Variants in MAPKAPK2 observed in about 807,000 individuals in gnomAD.
The protein encoded by MAPKAPK2 is MAP kinase-activated protein kinase 2.
Under a neutral mutation model 48.8 loss-of-function variants are expected in MAPKAPK2, and 9 were observed. That is an observed-to-expected ratio of 0.18 (90% CI 0.11 to 0.32). The LOEUF (loss-of-function observed/expected upper bound fraction) is 0.32. Among genes scored for constraint, MAPKAPK2 ranks in the 10% least tolerant of loss-of-function variants. MAPKAPK2 has a pLI of 1.00. For synonymous variants in MAPKAPK2, 202 were observed against 190.6 expected, an observed-to-expected ratio of 1.06 and a Z score of -0.49; for missense variants, 331 against 498.3, an observed-to-expected ratio of 0.66 and a Z score of 3.20.
intron 1 of MAPKAPK2, among the ~76,000 whole-genome samples, chr1:206,717,191 C>T (rs1010634620): frequency 6.6e-6 from 1 of 152,188 alleles, no homozygotes; most frequent in African/African-American, 2.4e-5. Context: ...GGCTTTATTA[C>T]CTACTAGCCA....
chr1:206,708,576 G>A (rs1053572104), intron 1 of MAPKAPK2, among the ~76,000 whole-genome samples: 1 of 152,018 alleles, frequency 6.6e-6, no homozygotes, highest in Non-Finnish European at 1.5e-5. Context: ...GCATACATAG[G>A]CATTAATTTG....
intron 1 of MAPKAPK2, among the ~76,000 whole-genome samples, chr1:206,691,861 T>C (rs1202811026): frequency 1.3e-5 from 2 of 152,208 alleles, no homozygotes; most frequent in Non-Finnish European, 2.9e-5. Context: ...CAGGGCAGCC[T>C]GTGTCCAGTT....
At chr1:206,691,802 A>G (rs1408569741) in intron 1 of MAPKAPK2, among the ~76,000 whole-genome samples, 2 of 152,088 alleles carry the variant, frequency 1.3e-5, no homozygotes, top group African/African-American at 4.8e-5. Flanking sequence ...GACCATCAGC[A>G]GTATCTGGGT....
At chr1:206,687,655 AC>A (rs1301902364) in intron 1 of MAPKAPK2, among the ~76,000 whole-genome samples, 2 of 152,242 alleles carry the variant, frequency 1.3e-5, no homozygotes, top group Non-Finnish European at 2.9e-5. Flanking sequence ...GGTTCAAAGA[AC>A]GCTGTTCCAG....
Position 206,733,082 on chromosome 1 carries a change from GTATTTGTGGAAA to G in MAPKAPK2, c.*365_*376del. On this transcript the variant is annotated 3_prime_UTR_variant, in exon 10 of 10. Coordinates refer to ENST00000367103, the MANE Select transcript of MAPKAPK2 (RefSeq NM_032960.4). ...GCAAAGGCTTGTGGTTTGTTAGAGG[GTATTTGTGGAAA>G]CTGTCATAGGGATTGTCCCTGTGTT... is the stretch of plus-strand genomic sequence containing the variant. 5.0e-6 allele frequency: 1 copy of G among 199,030 alleles called. No homozygotes were observed. The highest frequency in any genetic ancestry group is 1.1e-4 in the South Asian group (1 of 9,350). 12.3% of individuals were successfully genotyped at this position (199,030 alleles called of 1,614,324 possible).
intron 1 of MAPKAPK2, among the ~76,000 whole-genome samples, chr1:206,711,494 A>G (rs6681711): frequency 0.22 from 33,772 of 150,646 alleles, 3,714 homozygotes; most frequent in Middle Eastern, 0.32. Context: ...CAAGTGACCC[A>G]CCCACCTCGG....
intron 1 of MAPKAPK2, among the ~76,000 whole-genome samples, chr1:206,715,121 G>A (rs573445906): frequency 6.6e-6 from 1 of 152,218 alleles, no homozygotes; most frequent in East Asian, 1.9e-4. Context: ...TCTTGAGAGA[G>A]AGCATGTGTG....
At chr1:206,697,553 G>A (rs114862169) in intron 1 of MAPKAPK2, among the ~76,000 whole-genome samples, 12 of 152,110 alleles carry the variant, frequency 7.9e-5, no homozygotes, top group Non-Finnish European at 1.3e-4. Context: ...GGAGGCCCTC[G>A]ACTCTTTTTA....
In MAPKAPK2 at chr1:206,731,499, T is replaced by C. The variant is rs1271295175; in HGVS notation, c.893-141T>C. The C allele has an allele frequency of 7.4e-6, 8 of 1,074,498 alleles. No homozygotes were observed. The highest frequency in any genetic ancestry group is 1.4e-5 in the South Asian group (1 of 71,234). The allele number at this position is 1,074,498 out of a possible 1,614,324, so 66.6% of individuals were successfully genotyped here. A position where few individuals can be genotyped will look rare whatever the true frequency, so the allele number is the denominator to read the frequency against. ...GGCCTCTCAAGTGGTACAGCCGTAATGGTCCTTGGGGCCAGTTGCTCCGGC... is the reference window on the plus strand; with the variant it reads ...GGCCTCTCAAGTGGTACAGCCGTAACGGTCCTTGGGGCCAGTTGCTCCGGC... On this transcript the variant is annotated intron_variant, in intron 7 of 9. Coordinates refer to ENST00000367103, the MANE Select transcript of MAPKAPK2 (RefSeq NM_032960.4). The surrounding 1 kb of genome is among the most constrained non-coding windows in gnomAD (Gnocchi z 5.9).
intron 5 of MAPKAPK2, 127 bp downstream of exon 5, chr1:206,730,225 T>C: frequency 8.6e-7 from 1 of 1,166,160 alleles, no homozygotes; most frequent in Non-Finnish European, 1.2e-6. Context: ...TGGTGCTGGT[T>C]CTGCTGGGAC....
intron 1 of MAPKAPK2, among the ~76,000 whole-genome samples, chr1:206,692,410 G>C (rs1361990561): frequency 6.6e-6 from 1 of 152,210 alleles, no homozygotes; most frequent in Non-Finnish European, 1.5e-5. Context: ...GAGGAAAAGG[G>C]GTTGCCTGGT....
At chr1:206,687,494 A>G (rs1672323815) in intron 1 of MAPKAPK2, among the ~76,000 whole-genome samples, 1 of 152,222 alleles carries the variant, frequency 6.6e-6, no homozygotes, top group Non-Finnish European at 1.5e-5. Flanking sequence ...TCAACTGTTA[A>G]ATTGTGGATT....
intron 1 of MAPKAPK2, among the ~76,000 whole-genome samples, chr1:206,690,433 G>A (rs1348468959): frequency 1.3e-5 from 2 of 152,122 alleles, no homozygotes; most frequent in African/African-American, 2.4e-5. Flanking sequence ...CTGACAGGAG[G>A]GGAGAGACAA....
intron 1 of MAPKAPK2, among the ~76,000 whole-genome samples, chr1:206,708,655 T>C (rs1673040020): frequency 6.6e-6 from 1 of 152,246 alleles, no homozygotes; most frequent in African/African-American, 2.4e-5. Context: ...TGCACAACTC[T>C]TAAGGTATCA....
chr1:206,713,205 G>T, intron 1 of MAPKAPK2, among the ~76,000 whole-genome samples: 1 of 152,196 alleles, frequency 6.6e-6, no homozygotes, highest in Non-Finnish European at 1.5e-5. Context: ...TGCTGAAGTA[G>T]GAGTTTAGCA....
chr1:206,690,348 G>C (rs1672420423), intron 1 of MAPKAPK2, among the ~76,000 whole-genome samples: 1 of 152,188 alleles, frequency 6.6e-6, no homozygotes, highest in South Asian at 2.1e-4. Context: ...TCAGCTCACT[G>C]TCCTTTTTTA....
chr1:206,693,321 GT>G (rs1252968733), intron 1 of MAPKAPK2, among the ~76,000 whole-genome samples: 74 of 152,100 alleles, frequency 4.9e-4, no homozygotes, highest in African/African-American at 1.7e-3. Flanking sequence ...CCGCTGACCT[GT>G]TTCTCTCACT....
intron 1 of MAPKAPK2, among the ~76,000 whole-genome samples, chr1:206,686,590 A>G (rs114325169): frequency 7.7e-4 from 117 of 152,270 alleles, no homozygotes; most frequent in African/African-American, 2.8e-3. Context: ...TGTCTCAATG[A>G]TTGGAGGAGG....
In MAPKAPK2 at chr1:206,731,633, C is replaced by T; in HGVS notation, c.893-7C>T. 2 of 1,611,908 alleles carry T rather than the reference C, an allele frequency of 1.2e-6. No individual in the cohort carries two copies. Among genetic ancestry groups the T allele is most frequent in the Non-Finnish European group, 1.7e-6 (2 of 1,177,986 alleles). On this transcript the variant is annotated splice_polypyrimidine_tract_variant and splice_region_variant and intron_variant, in intron 7 of 9. Transcript: ENST00000367103. The surrounding 1 kb of genome is among the most constrained non-coding windows in gnomAD (Gnocchi z 5.9). ...GAGCTGTCACTGCCCCCTGTCCCAC[C>T]CCACAGTGAAGATGCTCATTCGGAA...
Sources: gnomAD v4.1 joint callset for allele counts (sites outside exome capture counted in the v4.1 genomes callset) on GRCh38, gnomAD v4.1.1 for gene constraint, Gnocchi (gnomAD v3.1) non-coding constraint, MANE v1.5 for transcripts, NCBI Gene and HGNC (gene_info 2026-07-23, HGNC 2026-07-21) for gene names.